IL17RA: variants seen among roughly 807,000 people sequenced by gnomAD.
The protein encoded by IL17RA is interleukin 17 receptor A, also known as interleukin-17 receptor A.
IL17RA carries 34 observed loss-of-function variants against 50.4 expected under a neutral mutation model. The ratio of observed to expected loss-of-function variants is 0.67; its 90% CI spans 0.51 to 0.90. The LOEUF is 0.90. IL17RA is among the 40% of genes least tolerant of loss of function. The pLI is 0.00. For synonymous variants in IL17RA, 585 were observed against 510.4 expected (o/e 1.15, Z -1.97); for missense variants, 1,276 against 1,169.8 (o/e 1.09, Z -1.32).
chr22:17,085,203 C>G lies in IL17RA; in HGVS notation c.112C>G (p.His38Asp), dbSNP rs1321999394. 6.5e-7 allele frequency: 1 copy of G among 1,532,378 alleles called. No individual in the cohort carries two copies. The highest frequency in any genetic ancestry group is 2.0e-5 in the Admixed American group (1 of 50,428). The allele number at this position is 1,532,378 out of a possible 1,614,324, so 94.9% of individuals were successfully genotyped here. A position where few individuals can be genotyped will look rare whatever the true frequency, so the allele number is the denominator to read the frequency against. The change falls in exon 1 of 13, where the codon CAC (histidine) becomes GAC (aspartate). Residue 38 changes from histidine to aspartate, a missense_variant. Coordinates refer to ENST00000319363, the MANE Select transcript of IL17RA (RefSeq NM_014339.7). ...PGGASLRLLD[H>D]RALVCSQPGL... Reference sequence around the variant, plus strand: ...TGGCGCCTCCCTGCGACTCCTGGACCACCGGGCGCTGGTCTGCTCCCAGCC... The same window carrying G: ...TGGCGCCTCCCTGCGACTCCTGGACGACCGGGCGCTGGTCTGCTCCCAGCC...
At chr22:17,101,866 C>T in intron 5 of IL17RA, 130 bp from the exon 6 acceptor site, 1 of 1,099,332 alleles carries the variant, frequency 9.1e-7, no homozygotes, top group South Asian at 1.3e-5. Flanking sequence ...CCCTGGAGCT[C>T]ACTCTGAAGG....
rs1472916395 is a variant in IL17RA at position 17,113,115 on chromosome 22, A to T, written c.*3295A>T. Reference sequence around the variant, plus strand: ...AAAAGGGTGGTGTTCGGTCTCTGAAACATCCATTCAGCAGTTTGAGCTGGG... The same window carrying T: ...AAAAGGGTGGTGTTCGGTCTCTGAATCATCCATTCAGCAGTTTGAGCTGGG... On this transcript the variant is annotated 3_prime_UTR_variant, in exon 13 of 13. Transcript: ENST00000319363. The T allele has an allele frequency of 6.6e-6, 1 of 152,086 alleles. No homozygotes were observed. The highest frequency in any genetic ancestry group is 1.5e-5 in the Non-Finnish European group (1 of 68,032). The allele number at this position is 152,086 out of a possible 1,614,324, so 9.4% of individuals were successfully genotyped here. A position where few individuals can be genotyped will look rare whatever the true frequency, so the allele number is the denominator to read the frequency against.
Position 17,102,128 on chromosome 22 carries a change from G to C in IL17RA, c.599-11G>C, listed in dbSNP as rs763158886. 8 of 1,614,150 alleles carry C rather than the reference G, an allele frequency of 5.0e-6. No homozygotes were observed. In the South Asian group the frequency reaches 7.7e-5, roughly 16 times the overall value. ...CTCCTCACTCCCAGCCTGCGTGTGT[G>C]ACCTTGGCAGGCAGCCTGTGGGACC... On this transcript the variant is annotated splice_polypyrimidine_tract_variant and intron_variant, in intron 6 of 12. Transcript: ENST00000319363.
intron 5 of IL17RA, among the ~76,000 whole-genome samples, chr22:17,101,237 G>A (rs1272565788): frequency 6.6e-6 from 1 of 152,166 alleles, no homozygotes; most frequent in Admixed American, 6.5e-5. Context: ...CAAAGCCTGG[G>A]TCTTCTGCCC....
intron 1 of IL17RA, among the ~76,000 whole-genome samples, chr22:17,094,691 C>CTCTCTCTCTCTCTA (rs1448096911): frequency 1.6e-4 from 4 of 24,698 alleles, no homozygotes; most frequent in Non-Finnish European, 2.0e-4. Flanking sequence ...CTCTCTCTCT[C>CTCTCTCTCTCTCTA]TATATATATA....
intron 1 of IL17RA, among the ~76,000 whole-genome samples, chr22:17,087,007 GAA>G (rs2061330553): frequency 6.6e-6 from 1 of 152,184 alleles, no homozygotes; most frequent in Admixed American, 6.5e-5. Context: ...AGGGAGGGCT[GAA>G]GAGAGACACT....
rs35941988 is a variant in IL17RA at position 17,086,372 on chromosome 22, G to GA, written c.138+1156dup. On this transcript the variant is annotated intron_variant, in intron 1 of 12. Coordinates refer to ENST00000319363, the MANE Select transcript of IL17RA (RefSeq NM_014339.7). Reference sequence around the variant, plus strand: ...GTGGAGGGTGAGTGACTATGTCGCAGAAAAAAAAAAAAAGATGTTTTTATC... The same window carrying GA: ...GTGGAGGGTGAGTGACTATGTCGCAGAAAAAAAAAAAAAAGATGTTTTTATC... Among the ~76,000 whole-genome samples the GA allele has an allele frequency of 6.0e-4, 88 of 147,632 alleles. No individual in the cohort carries two copies. In the East Asian group the frequency reaches 8.2e-3, roughly 14 times the overall value.
rs988752151 is a variant in IL17RA at position 17,085,109 on chromosome 22, C to T, written c.18C>T (p.Ser6=). 1.5e-6 allele frequency: 2 copies of T among 1,369,264 alleles called. No individual in the cohort carries two copies. The highest frequency in any genetic ancestry group is 1.5e-5 in the African/African-American group (1 of 65,966). The allele number at this position is 1,369,264 out of a possible 1,614,324, so 84.8% of individuals were successfully genotyped here. The change falls in exon 1 of 13, where the codon AGC becomes AGT. Residue 6 remains serine, a synonymous_variant. Coordinates refer to ENST00000319363, the MANE Select transcript of IL17RA (RefSeq NM_014339.7). MGAAR[S]PPSAVPGPLL... is the part of the protein sequence containing the mutation. ...GCCGGGCCATGGGGGCCGCACGCAG[C>T]CCGCCGTCCGCTGTCCCGGGGCCCC...
chr22:17,086,287 G>A (rs5748859), intron 1 of IL17RA, among the ~76,000 whole-genome samples: 6,796 of 152,004 alleles, frequency 0.045, 164 homozygotes, highest in South Asian at 0.076. Flanking sequence ...TGAGTCAGAG[G>A]ATGTAAAACA....
intron 1 of IL17RA, among the ~76,000 whole-genome samples, chr22:17,094,652 ACACACTCTCTCTCTCTCTCTCT>A (rs577069039): frequency 0.022 from 377 of 17,500 alleles, 21 homozygotes; most frequent in Non-Finnish European, 0.028. Flanking sequence ...TTAGTCATAC[ACACACTCTCTCTCTCTCTCTCT>A]CTCTCTCTCT....
At position 17,108,702 on chromosome 22, in the gene IL17RA, T is replaced by G; in HGVS notation, c.1483T>G (p.Cys495Gly). Reference protein sequence around the residue: ...MILPDFKRPACFGTYVVCYFS... With the variant: ...MILPDFKRPAGFGTYVVCYFS... The stretch of plus-strand genomic sequence containing the variant: ...CCTCCCGGACTTCAAGAGGCCAGCC[T>G]GCTTCGGCACCTACGTAGTCTGCTA... Residue 495 changes from cysteine (C) to glycine (G), a missense_variant, in exon 13 of 13, where the codon TGC becomes GGC. By Grantham distance (159) the Cys-to-Gly change is radical. Transcript: ENST00000319363. 6.2e-7 allele frequency: 1 copy of G among 1,610,102 alleles called. No homozygotes were observed. Among genetic ancestry groups the G allele is most frequent in the Non-Finnish European group, 8.5e-7 (1 of 1,179,864 alleles).
At chr22:17,090,853 A>G (rs1193124232) in intron 1 of IL17RA, among the ~76,000 whole-genome samples, 10 of 152,308 alleles carry the variant, frequency 6.6e-5, no homozygotes, top group African/African-American at 2.4e-4. Context: ...CCCCAGAGAT[A>G]ATAATTGCTT....
At chr22:17,089,686 A>C (rs1204541370) in intron 1 of IL17RA, among the ~76,000 whole-genome samples, 2 of 152,218 alleles carry the variant, frequency 1.3e-5, no homozygotes, top group Non-Finnish European at 2.9e-5. Context: ...CAGTCTGGGC[A>C]ACATGGCAAA....
chr22:17,104,892 G>C, intron 9 of IL17RA, 82 bp downstream of exon 9: 1 of 1,292,494 alleles, frequency 7.7e-7, no homozygotes, highest in Admixed American at 1.8e-5. Flanking sequence ...TCCTTACCTG[G>C]TTCTGAGGGG....
In IL17RA at chr22:17,111,761, A is replaced by G. The variant is rs1485393603; in HGVS notation, c.*1941A>G. On this transcript the variant is annotated 3_prime_UTR_variant, in exon 13 of 13. Coordinates refer to ENST00000319363, the MANE Select transcript of IL17RA (RefSeq NM_014339.7). Reference sequence around the variant, plus strand: ...GCGCACACATACATGTGCGTGAAAGATTATCAATAAAAGTGCATAAATTTG... The same window carrying G: ...GCGCACACATACATGTGCGTGAAAGGTTATCAATAAAAGTGCATAAATTTG... 6.6e-6 allele frequency: 1 copy of G among 152,202 alleles called. No homozygotes were observed. The highest frequency in any genetic ancestry group is 1.5e-5 in the Non-Finnish European group (1 of 68,028). The allele number at this position is 152,202 out of a possible 1,614,324, so 9.4% of individuals were successfully genotyped here. A position where few individuals can be genotyped will look rare whatever the true frequency, so the allele number is the denominator to read the frequency against.
chr22:17,101,387 C>T (rs1442482509), intron 5 of IL17RA, among the ~76,000 whole-genome samples: 4 of 152,230 alleles, frequency 2.6e-5, no homozygotes, highest in African/African-American at 9.6e-5. Flanking sequence ...TGTGCTTACC[C>T]TGCTTTATGT....
intron 1 of IL17RA, among the ~76,000 whole-genome samples, chr22:17,095,158 CA>C (rs964680718): frequency 7.9e-5 from 12 of 152,156 alleles, no homozygotes; most frequent in South Asian, 4.1e-4. Flanking sequence ...AGCAGAATAT[CA>C]AAAGAACAAT....
In IL17RA at chr22:17,109,245, GC is replaced by G; in HGVS notation, c.2029del (p.Leu677TrpfsTer68). On this transcript the variant is annotated frameshift_variant, in exon 13 of 13. Transcript: ENST00000319363. LOFTEE classifies it low-confidence loss of function (END_TRUNC). ...CCTGGTGCTCGCCGCAGAGGAGGGGGCCCTGGTGGCCGCGGTGGAGCCTGGG... is the reference window on the plus strand; with the variant it reads ...CCTGGTGCTCGCCGCAGAGGAGGGGGCCTGGTGGCCGCGGTGGAGCCTGGG... Reference protein sequence around the residue: ...HTLVLAAEEGALVAAVEPGPL... With the variant: ...HTLVLAAEEGXLVAAVEPGPL... 1 of 1,491,058 alleles carries G rather than the reference GC, an allele frequency of 6.7e-7. No individual in the cohort carries two copies. Among genetic ancestry groups the G allele is most frequent in the South Asian group, 1.3e-5 (1 of 75,944 alleles). The allele number at this position is 1,491,058 out of a possible 1,614,324, so 92.4% of individuals were successfully genotyped here.
intron 5 of IL17RA, among the ~76,000 whole-genome samples, 157 bp from the exon 6 acceptor site, chr22:17,101,839 T>A (rs2061392499): frequency 6.6e-6 from 1 of 151,944 alleles, no homozygotes; most frequent in Admixed American, 6.5e-5. Context: ...CTGGCACCCA[T>A]GCCAAGGTGG....
Sources: gnomAD v4.1 joint callset for allele counts (sites outside exome capture counted in the v4.1 genomes callset) on GRCh38, gnomAD v4.1.1 for gene constraint, MANE v1.5 for transcripts, NCBI Gene and HGNC (gene_info 2026-07-23, HGNC 2026-07-21) for gene names.